Variants in DVL1 observed in about 807,000 individuals in gnomAD.
DVL1 encodes segment polarity protein dishevelled homolog DVL-1.
DVL1 carries 49 observed loss-of-function variants against 65.0 expected under a neutral mutation model. That is an observed-to-expected ratio of 0.75 (90% CI 0.60 to 0.96). The LOEUF (loss-of-function observed/expected upper bound fraction) is 0.96, where lower values mean the gene tolerates loss of function less well. Among genes scored for constraint, DVL1 ranks in the 40% least tolerant of loss-of-function variants. The pLI, the probability that DVL1 is intolerant of heterozygous loss-of-function variation, is 0.00. For synonymous variants in DVL1, 608 were observed against 433.9 expected, an observed-to-expected ratio of 1.40 and a Z score of -4.99; for missense variants, 1,197 against 1,045.4, an observed-to-expected ratio of 1.15 and a Z score of -2.00.
chr1:1,339,127 G>C (rs1488847077), intron 11 of DVL1, among the ~76,000 whole-genome samples, 160 bp downstream of exon 11: 1 of 152,244 alleles, frequency 6.6e-6, no homozygotes, highest in Admixed American at 6.5e-5. Flanking sequence ...GCACAAGGTG[G>C]GCACGGGTGC....
At chr1:1,344,878 A>C (rs534474067) in intron 1 of DVL1, among the ~76,000 whole-genome samples, 3 of 152,214 alleles carry the variant, frequency 2.0e-5, no homozygotes, top group Non-Finnish European at 4.4e-5. Flanking sequence ...TCCCCACCTC[A>C]GTCCCTGACA....
chr1:1,341,562 A>T, intron 5 of DVL1, 105 bp downstream of exon 5: 1 of 1,392,652 alleles, frequency 7.2e-7, no homozygotes, highest in Non-Finnish European at 9.7e-7. Context: ...ACACACACGC[A>T]CACACGTGCA....
chr1:1,337,636 G>T, intron 14 of DVL1: 1 of 468,734 alleles, frequency 2.1e-6, no homozygotes, highest in Middle Eastern at 3.1e-4. Flanking sequence ...CAGCCGCCCA[G>T]GCCGCCAGGC....
rs1140334 is a variant in DVL1 at position 1,340,296 on chromosome 1, T to G, written c.720A>C (p.Ile240=). 3.1e-6 allele frequency: 5 copies of G among 1,613,932 alleles called. No individual in the cohort carries two copies. The highest frequency in any genetic ancestry group is 1.3e-5 in the African/African-American group (1 of 75,024). The change falls in exon 7 of 15, where the codon ATA becomes ATC. Residue 240 remains isoleucine (I), a synonymous_variant. Transcript: ENST00000378888. ...QADRASSFSS[I]TDSTMSLNIV... ...TGTTGAGGGACATGGTGGAGTCGGT[T>G]ATGCTGCTGAAGGAGGAGGCCTATG... is the stretch of plus-strand genomic sequence containing the variant.
At position 1,336,292 on chromosome 1, in the gene DVL1, G is replaced by A. The variant is rs758190734; in HGVS notation, c.1938C>T (p.Pro646=). Residue 646 remains proline (P), a synonymous_variant, in exon 15 of 15, where the codon CCC becomes CCT. Transcript: ENST00000378888. ...CCACCACTGTATAGGCCTTGGTCGT[G>A]GGGTGGGGCGGGGGGAGCCCCGGGG... ...ATAPGLPPPH[P]TTKAYTVVGG... 2.1e-5 allele frequency: 33 copies of A among 1,562,532 alleles called. No homozygotes were observed. Among genetic ancestry groups the A allele is most frequent in the Admixed American group, 5.6e-5 (3 of 54,052 alleles).
Position 1,340,189 on chromosome 1 carries a change from G to A in DVL1, c.770-12C>T, listed in dbSNP as rs1278278041. On this transcript the variant is annotated splice_polypyrimidine_tract_variant and intron_variant, in intron 7 of 14. Transcript: ENST00000378888. ...AAAGTGATGTCTTTCTGCAGGAAGA[G>A]CCATGAGCCGCGGCCAAGCCCCTGC... The A allele has an allele frequency of 5.0e-6, 8 of 1,613,686 alleles. No homozygotes were observed. Among genetic ancestry groups the A allele is most frequent in the Middle Eastern group, 1.6e-4 (1 of 6,062 alleles).
chr1:1,338,879 G>C (rs1288391281), intron 11 of DVL1, among the ~76,000 whole-genome samples: 1 of 152,200 alleles, frequency 6.6e-6, no homozygotes, highest in Non-Finnish European at 1.5e-5. Flanking sequence ...CTTTTCATCA[G>C]GATCCTAGGC....
At position 1,338,056 on chromosome 1, in the gene DVL1, G is replaced by C. The variant is rs1458204327; in HGVS notation, c.1635C>G (p.Pro545=). 1 of 1,611,410 alleles carries C rather than the reference G, an allele frequency of 6.2e-7. No individual in the cohort carries two copies. ...GQGYPYQYPG[P]PPCFPPAYQD... is the part of the protein sequence containing the mutation. ...GGTAGGCAGGCGGGAAGCAGGGTGGGGGTCCCGGGTACTGGTAGGGGTAGC... is the reference window on the plus strand; with the variant it reads ...GGTAGGCAGGCGGGAAGCAGGGTGGCGGTCCCGGGTACTGGTAGGGGTAGC... The change falls in exon 14 of 15, where the codon CCC becomes CCG. Residue 545 remains proline (P), a synonymous_variant. Coordinates refer to ENST00000378888, the MANE Select transcript of DVL1 (RefSeq NM_001330311.2).
rs149812757 is a variant in DVL1 at position 1,336,560 on chromosome 1, C to T, written c.1715-45G>A. ...GGGGAAGGAGCCTGTCAGCACCAGGCCCGGCCACGTCCAGAACAACCGCCC... is the reference window on the plus strand; with the variant it reads ...GGGGAAGGAGCCTGTCAGCACCAGGTCCGGCCACGTCCAGAACAACCGCCC... On this transcript the variant is annotated intron_variant, in intron 14 of 14. Transcript: ENST00000378888. The T allele has an allele frequency of 0.017, 25,797 of 1,480,472 alleles. 278 individuals are homozygous for T. Among genetic ancestry groups the T allele is most frequent in the Non-Finnish European group, 0.02 (22,640 of 1,125,898 alleles). The allele number at this position is 1,480,472 out of a possible 1,614,324, so 91.7% of individuals were successfully genotyped here.
At chr1:1,345,012 G>A (rs1365356402) in intron 1 of DVL1, among the ~76,000 whole-genome samples, 3 of 150,724 alleles carry the variant, frequency 2.0e-5, no homozygotes, top group African/African-American at 7.5e-5. Flanking sequence ...GGGAGACTCG[G>A]CCACCCAGCA....
intron 1 of DVL1, among the ~76,000 whole-genome samples, chr1:1,348,445 T>G (rs1324291179): frequency 6.6e-6 from 1 of 152,200 alleles, no homozygotes; most frequent in African/African-American, 2.4e-5. Context: ...GAACCTGTCT[T>G]GACCCTCGGG....
chr1:1,346,128 G>A (rs575081510), intron 1 of DVL1, among the ~76,000 whole-genome samples: 4 of 152,254 alleles, frequency 2.6e-5, no homozygotes, highest in Admixed American at 1.3e-4. Context: ...CAGGGAGGGC[G>A]GAGTGGGAAC....
In DVL1 at chr1:1,348,822, C is replaced by G. The variant is rs1316963421; in HGVS notation, c.170+74G>C. The G allele has an allele frequency of 3.0e-6, 4 of 1,345,494 alleles. No homozygotes were observed. The Admixed American group carries it at 1.3e-4, about 45-fold the overall frequency. The allele number at this position is 1,345,494 out of a possible 1,614,324, so 83.3% of individuals were successfully genotyped here. A position where few individuals can be genotyped will look rare whatever the true frequency, so the allele number is the denominator to read the frequency against. On this transcript the variant is annotated intron_variant, in intron 1 of 14. Coordinates refer to ENST00000378888, the MANE Select transcript of DVL1 (RefSeq NM_001330311.2). Reference sequence around the variant, plus strand: ...GGGGGCGCGAACGGCTCAGGACCCCCGCCCCGTCCCCGCGCGGGCAGGTGC... The same window carrying G: ...GGGGGCGCGAACGGCTCAGGACCCCGGCCCCGTCCCCGCGCGGGCAGGTGC...
chr1:1,346,618 G>A (rs1049671426), intron 1 of DVL1, among the ~76,000 whole-genome samples: 8 of 152,244 alleles, frequency 5.3e-5, no homozygotes, highest in Non-Finnish European at 8.8e-5. Context: ...AAAGCCGTGC[G>A]TGGGGAGTGG....
rs544791698 is a variant in DVL1 at position 1,341,355 on chromosome 1, A to G, written c.605+312T>C. ...TACATAAACGTTTGCACACAGGTAC[A>G]TGCACAGACACATCCGCAATGTGAA... On this transcript the variant is annotated intron_variant, in intron 5 of 14. Transcript: ENST00000378888. Among the ~76,000 whole-genome samples the G allele has an allele frequency of 1.0e-4, 15 of 149,514 alleles. No homozygotes were observed. In the South Asian group the frequency reaches 1.0e-3, roughly 10 times the overall value.
In DVL1 at chr1:1,345,875, TG is replaced by T. The variant is rs560454372; in HGVS notation, c.170+3020del. ...CGCCCCAGGTCAGGGCCCTCAGCCTTGGGGGTCTGTGGCCTCCCAACCCCTG... is the reference window on the plus strand; with the variant it reads ...CGCCCCAGGTCAGGGCCCTCAGCCTTGGGGTCTGTGGCCTCCCAACCCCTG... On this transcript the variant is annotated intron_variant, in intron 1 of 14. Transcript: ENST00000378888. 6.6e-5 allele frequency among the ~76,000 whole-genome samples: 10 copies of T among 152,166 alleles called. No individual in the cohort carries two copies. The East Asian group carries it at 1.9e-3, about 30-fold the overall frequency.
intron 11 of DVL1, among the ~76,000 whole-genome samples, chr1:1,338,866 A>T (rs1569691475): frequency 6.6e-6 from 1 of 152,176 alleles, no homozygotes; most frequent in Admixed American, 6.5e-5. Flanking sequence ...ACTTCTACAG[A>T]CACTTTTCAT....
rs11555098 is a variant in DVL1 at position 1,336,004 on chromosome 1, G to A, written c.*138C>T. ...AGGAGCTGGAGCAGCCAGGCTGCCA[G>A]GGCAGATGGTGGTGGTCCAGCCTGC... On this transcript the variant is annotated 3_prime_UTR_variant, in exon 15 of 15. Coordinates refer to ENST00000378888, the MANE Select transcript of DVL1 (RefSeq NM_001330311.2). The A allele has an allele frequency of 3.7e-4, 443 of 1,195,142 alleles. 1 individual carries two copies. The South Asian group carries it at 5.9e-3, about 16-fold the overall frequency. 74.0% of individuals were successfully genotyped at this position (1,195,142 alleles called of 1,614,324 possible). A position where few individuals can be genotyped will look rare whatever the true frequency, so the allele number is the denominator to read the frequency against.
intron 1 of DVL1, among the ~76,000 whole-genome samples, chr1:1,345,845 G>A (rs967446568): frequency 6.6e-6 from 1 of 152,124 alleles, no homozygotes; most frequent in Non-Finnish European, 1.5e-5. Context: ...AGAGCCCCCT[G>A]TGCACGCCCC....
Sources: allele counts gnomAD v4.1 joint callset (sites outside exome capture counted in the v4.1 genomes callset), GRCh38; gene constraint gnomAD v4.1.1; transcripts MANE v1.5; gene names NCBI Gene and HGNC (gene_info 2026-07-23, HGNC 2026-07-21).